Variants in LIMCH1 observed in about 807,000 individuals in gnomAD.
The protein encoded by LIMCH1 is LIM and calponin homology domains-containing protein 1.
A neutral mutation model predicts 176.5 loss-of-function variants in LIMCH1; 113 were observed. That is an observed-to-expected ratio of 0.64 (90% CI 0.55 to 0.75). The LOEUF (loss-of-function observed/expected upper bound fraction) is 0.75, where lower values mean the gene tolerates loss of function less well. Among genes scored for constraint, LIMCH1 ranks in the 30% least tolerant of loss-of-function variants. The probability of loss-of-function intolerance (pLI) is 0.00; values close to 1 mark genes in which losing one functional copy is unlikely to be tolerated. For missense variants in LIMCH1, 1,674 were observed against 1,814.9 expected (o/e 0.92, Z 1.41); for synonymous variants, 619 against 645.9 (o/e 0.96, Z 0.63).
chr4:41,360,026 GGTGTGT>G (rs35179191), upstream of LIMCH1, among the ~76,000 whole-genome samples: 49 of 145,842 alleles, frequency 3.4e-4, no homozygotes, highest in East Asian at 1.0e-3. The surrounding 1 kb of genome is among the most constrained non-coding windows in gnomAD (Gnocchi z 4.5). Flanking sequence ...GGGTGTGTAG[GGTGTGT>G]GTGTGTGTGT....
intron 31 of LIMCH1, 37 bp downstream of exon 31, chr4:41,692,421 G>A (rs1726805951): frequency 1.6e-6 from 2 of 1,280,718 alleles, no homozygotes; most frequent in Non-Finnish European, 2.3e-6. Flanking sequence ...ATGACCGAGT[G>A]TAATCGTATG....
intron 1 of LIMCH1, among the ~76,000 whole-genome samples, chr4:41,363,484 G>T (rs1035392470): frequency 2.6e-5 from 4 of 152,090 alleles, no homozygotes; most frequent in African/African-American, 9.7e-5. Flanking sequence ...GTTCCCTTGG[G>T]TGGAGCAAGT....
chr4:41,429,195 C>A (rs1336269302), intron 1 of LIMCH1, among the ~76,000 whole-genome samples: 1 of 152,080 alleles, frequency 6.6e-6, no homozygotes, highest in African/African-American at 2.4e-5. Context: ...TTTTTTAATG[C>A]GTATGTTTTT....
chr4:41,574,489 A>G (rs552654921), intron 1 of LIMCH1, among the ~76,000 whole-genome samples: 2 of 151,714 alleles, frequency 1.3e-5, no homozygotes, highest in East Asian at 3.9e-4. Flanking sequence ...AGGTTTTACC[A>G]TGTTGGCCAG....
intron 4 of LIMCH1, 131 bp from the exon 5 acceptor site, chr4:41,613,335 T>A: frequency 1.2e-6 from 1 of 832,082 alleles, no homozygotes. Flanking sequence ...ATTGATCCTG[T>A]AACTGGTTTC....
At chr4:41,562,007 C>G (rs919974834) in intron 1 of LIMCH1, among the ~76,000 whole-genome samples, 2 of 152,162 alleles carry the variant, frequency 1.3e-5, no homozygotes, top group African/African-American at 4.8e-5. Context: ...TAGGCAGTAT[C>G]ATTATTGCTT....
chr4:41,493,495 A>G (rs967804798), intron 1 of LIMCH1, among the ~76,000 whole-genome samples: 6 of 151,896 alleles, frequency 4.0e-5, no homozygotes, highest in Non-Finnish European at 5.9e-5. Context: ...TATTTCCTAA[A>G]CAATACAGTG....
intron 1 of LIMCH1, among the ~76,000 whole-genome samples, chr4:41,376,982 G>A (rs1322952456): frequency 6.6e-6 from 1 of 152,162 alleles, no homozygotes; most frequent in Non-Finnish European, 1.5e-5. Context: ...CAAAAAATCT[G>A]CTACGAGCTC....
intron 1 of LIMCH1, among the ~76,000 whole-genome samples, chr4:41,440,575 C>T (rs1034023563): frequency 2.0e-5 from 3 of 152,142 alleles, no homozygotes; most frequent in Non-Finnish European, 4.4e-5. Context: ...CTCTGGCTCC[C>T]AGGCTGGAGT....
chr4:41,451,673 A>C (rs890626374), intron 1 of LIMCH1, among the ~76,000 whole-genome samples: 2 of 152,166 alleles, frequency 1.3e-5, no homozygotes, highest in African/African-American at 4.8e-5. Flanking sequence ...AAACATTTTA[A>C]ATTTGAAAGA....
At chr4:41,505,925 G>GACACACAC (rs36212568) in intron 2 of LIMCH1, among the ~76,000 whole-genome samples, 10,676 of 134,548 alleles carry the variant, frequency 0.079, 494 homozygotes, top group Admixed American at 0.097. Flanking sequence ...CTGTGTTTCT[G>GACACACAC]ACACACACAC....
chr4:41,383,246 TAG>T (rs2055984417), intron 1 of LIMCH1, among the ~76,000 whole-genome samples: 1 of 152,150 alleles, frequency 6.6e-6, no homozygotes, highest in Non-Finnish European at 1.5e-5. Flanking sequence ...ACTGGTGAGT[TAG>T]AGAGATATAT....
chr4:41,462,775 A>G (rs1043524288), intron 1 of LIMCH1, among the ~76,000 whole-genome samples: 1 of 152,222 alleles, frequency 6.6e-6, no homozygotes, highest in African/African-American at 2.4e-5. Flanking sequence ...GAAACATAAA[A>G]GAGGAAAAGT....
At chr4:41,612,165 G>A (rs2091502405) in intron 4 of LIMCH1, among the ~76,000 whole-genome samples, 1 of 152,112 alleles carries the variant, frequency 6.6e-6, no homozygotes, top group South Asian at 2.1e-4. Context: ...TGTGTGTCTT[G>A]TAAATTACAG....
chr4:41,459,972 G>A (rs577020587), intron 1 of LIMCH1, among the ~76,000 whole-genome samples: 11 of 152,152 alleles, frequency 7.2e-5, no homozygotes, highest in Admixed American at 5.9e-4. Context: ...CCCAGTCTTC[G>A]CCCAAGTCTC....
rs2152984345 is a variant in LIMCH1 at position 41,662,987 on chromosome 4, G to A, written c.3291+3G>A. 6.2e-7 allele frequency: 1 copy of A among 1,613,290 alleles called. No homozygotes were observed. The highest frequency in any genetic ancestry group is 8.5e-7 in the Non-Finnish European group (1 of 1,179,560). ...TGGAGTTGGTGCTGTCACAAAAGGT[G>A]AAGTGCAGAGTGGAGGAAAGCGGTT... On this transcript the variant is annotated splice_donor_region_variant and intron_variant, in intron 20 of 31. Coordinates refer to ENST00000503057, the MANE Select transcript of LIMCH1 (RefSeq NM_001330672.2).
chr4:41,530,519 T>G (rs984721197), intron 3 of LIMCH1, among the ~76,000 whole-genome samples: 1 of 152,084 alleles, frequency 6.6e-6, no homozygotes, highest in Non-Finnish European at 1.5e-5. Context: ...AAAATTGTTG[T>G]TTTTTGGCCA....
intron 1 of LIMCH1, among the ~76,000 whole-genome samples, chr4:41,411,956 CAAAAAAAAAAAAAAAA>C (rs61054692): frequency 2.6e-5 from 1 of 38,552 alleles, no homozygotes; most frequent in Non-Finnish European, 4.3e-5. Context: ...GACTCCATCT[CAAAAAAAAAAAAAAAA>C]AAAAAAAAAA....
chr4:41,391,291 T>G (rs910294068), intron 1 of LIMCH1, among the ~76,000 whole-genome samples: 2 of 152,186 alleles, frequency 1.3e-5, no homozygotes, highest in African/African-American at 2.4e-5. Context: ...TTACATCATA[T>G]AGCTGGTTGC....
Sources: allele counts gnomAD v4.1 joint callset (sites outside exome capture counted in the v4.1 genomes callset), GRCh38; gene constraint gnomAD v4.1.1; non-coding constraint Gnocchi (gnomAD v3.1); transcripts MANE v1.5; gene names NCBI Gene and HGNC (gene_info 2026-07-23, HGNC 2026-07-21).